The following DOCK9 variants were observed in gnomAD, a reference collection of about 807,000 sequenced individuals.
The protein encoded by DOCK9 is dedicator of cytokinesis protein 9.
DOCK9 carries 89 observed loss-of-function variants against 263.3 expected under a neutral mutation model. The ratio of observed to expected loss-of-function variants is 0.34; its 90% CI spans 0.28 to 0.40. DOCK9 has a LOEUF of 0.40. Among genes scored for constraint, DOCK9 ranks in the 10% least tolerant of loss-of-function variants. DOCK9 has a pLI of 1.00. For synonymous variants in DOCK9, 976 were observed against 973.1 expected (o/e 1.00, Z -0.06); for missense variants, 2,140 against 2,603.4 (o/e 0.82, Z 3.87).
chr13:99,058,155 G>A (rs2041014181), intron 1 of DOCK9, among the ~76,000 whole-genome samples: 1 of 150,780 alleles, frequency 6.6e-6, no homozygotes, highest in Admixed American at 6.6e-5. Flanking sequence ...TGTACTAACA[G>A]TACTTGATAT....
At chr13:98,823,748 A>T (rs1361502203) in intron 45 of DOCK9, among the ~76,000 whole-genome samples, 2 of 152,246 alleles carry the variant, frequency 1.3e-5, no homozygotes, top group Non-Finnish European at 2.9e-5. Context: ...TTTTATGTCA[A>T]AACTCGCCAG....
chr13:99,017,542 G>A (rs561165052), intron 1 of DOCK9, among the ~76,000 whole-genome samples: 3 of 152,204 alleles, frequency 2.0e-5, no homozygotes, highest in Admixed American at 6.5e-5. Flanking sequence ...GAACTTTACC[G>A]AGAATTAGAA....
At position 98,868,371 on chromosome 13, in the gene DOCK9, G is replaced by A. The variant is rs1039943471; in HGVS notation, c.2950C>T (p.Arg984Ter). ...TAGGATGCAGGAAATCTCTGGTTTC[G>A]CAGCAACTAAAAAGAATTCAGAGCA... ...LIENSKVKLL[R>*]NQRFPASYHH... The change falls in exon 28 of 53, where the codon CGA becomes TGA. Residue 984 changes from arginine to a stop codon, truncating the protein, a stop_gained. Transcript: ENST00000682017. LOFTEE classifies it high-confidence loss of function. The A allele has an allele frequency of 2.5e-6, 4 of 1,609,258 alleles. No individual in the cohort carries two copies. Among genetic ancestry groups the A allele is most frequent in the Admixed American group, 1.7e-5 (1 of 59,042 alleles).
At chr13:98,979,229 T>TAGC (rs1332460705), upstream of DOCK9, among the ~76,000 whole-genome samples, 297 of 125,046 alleles carry the variant, frequency 2.4e-3, 2 homozygotes, top group Middle Eastern at 0.017. Flanking sequence ...GTAGTAGTAG[T>TAGC]AGCAGCAGCG....
intron 1 of DOCK9, among the ~76,000 whole-genome samples, chr13:99,075,126 G>A (rs955960088): frequency 1.3e-5 from 2 of 152,048 alleles, no homozygotes; most frequent in Non-Finnish European, 2.9e-5. Context: ...ATAGATTTGT[G>A]TATCATTTAC....
intron 45 of DOCK9, among the ~76,000 whole-genome samples, chr13:98,819,798 T>C (rs2092148884): frequency 6.6e-6 from 1 of 152,242 alleles, no homozygotes; most frequent in Non-Finnish European, 1.5e-5. Context: ...AATCCCTGAA[T>C]ATGTTCTGTT....
chr13:98,899,935 A>G (rs1464034078), intron 13 of DOCK9, among the ~76,000 whole-genome samples: 1 of 152,190 alleles, frequency 6.6e-6, no homozygotes, highest in Non-Finnish European at 1.5e-5. Context: ...ACTTTTCATA[A>G]AAATTTCCTC....
chr13:98,872,563 T>C (rs567222347), intron 27 of DOCK9, among the ~76,000 whole-genome samples: 12 of 152,270 alleles, frequency 7.9e-5, no homozygotes, highest in South Asian at 4.1e-4. Flanking sequence ...TGTGTCACCA[T>C]GCCCAGCTAA....
At chr13:98,987,797 G>T (rs564078545) in intron 1 of DOCK9, among the ~76,000 whole-genome samples, 2 of 152,126 alleles carry the variant, frequency 1.3e-5, no homozygotes, top group Non-Finnish European at 2.9e-5. Context: ...TAACATAACT[G>T]GTAAATAATA....
In DOCK9 at chr13:98,855,882, G is replaced by A; in HGVS notation, c.3831+16C>T. ...TTGATTATAAGAAACATTTGTGTTG[G>A]GTGAAAAGCAATTACCTTATCCAGG... On this transcript the variant is annotated intron_variant, in intron 34 of 52. Coordinates refer to ENST00000682017, the MANE Select transcript of DOCK9 (RefSeq NM_001366683.2). 1 of 1,613,254 alleles carries A rather than the reference G, an allele frequency of 6.2e-7. No individual in the cohort carries two copies. The highest frequency in any genetic ancestry group is 8.5e-7 in the Non-Finnish European group (1 of 1,179,368).
chr13:98,866,227 G>A (rs538467788), intron 30 of DOCK9, among the ~76,000 whole-genome samples: 9 of 152,162 alleles, frequency 5.9e-5, no homozygotes, highest in Admixed American at 2.0e-4. Context: ...TAGAATAGCC[G>A]GGGATTGTCA....
chr13:98,823,754 G>A (rs1374188125), intron 45 of DOCK9, among the ~76,000 whole-genome samples: 6 of 152,158 alleles, frequency 3.9e-5, no homozygotes, highest in South Asian at 2.1e-4. Context: ...GTCAAAACTC[G>A]CCAGTTACAG....
intron 1 of DOCK9, among the ~76,000 whole-genome samples, chr13:98,985,184 A>G (rs1878166159): frequency 6.6e-6 from 1 of 152,068 alleles, no homozygotes; most frequent in Non-Finnish European, 1.5e-5. Flanking sequence ...CAGATGAGGA[A>G]GCTAAGATGG....
rs2093520191 is a variant in DOCK9, at chr13:98,850,156, T to C, written c.3947-43A>G. The C allele has an allele frequency of 5.4e-6, 7 of 1,298,082 alleles. No homozygotes were observed. In the East Asian group the frequency reaches 7.8e-5, roughly 14 times the overall value. 80.4% of individuals were successfully genotyped at this position (1,298,082 alleles called of 1,614,324 possible). A position where few individuals can be genotyped will look rare whatever the true frequency, so the allele number is the denominator to read the frequency against. On this transcript the variant is annotated intron_variant, in intron 35 of 52. Coordinates refer to ENST00000682017, the MANE Select transcript of DOCK9 (RefSeq NM_001366683.2). Reference sequence around the variant, plus strand: ...ACTTAGAATCACAATACATATGATATACATTATGGAGAATCACCTGTTGTG... The same window carrying C: ...ACTTAGAATCACAATACATATGATACACATTATGGAGAATCACCTGTTGTG...
At chr13:98,960,841 T>C (rs994353940) in intron 1 of DOCK9, among the ~76,000 whole-genome samples, 1 of 152,204 alleles carries the variant, frequency 6.6e-6, no homozygotes, top group Non-Finnish European at 1.5e-5. Context: ...AGGAACTACA[T>C]TAGAATTTTC....
At chr13:98,934,546 A>C (rs1287945119) in intron 2 of DOCK9, among the ~76,000 whole-genome samples, 1 of 152,236 alleles carries the variant, frequency 6.6e-6, no homozygotes, top group Non-Finnish European at 1.5e-5. Flanking sequence ...TTACTCAAAA[A>C]CAGAAAACCA....
chr13:98,980,731 G>A (rs887091476), upstream of DOCK9, among the ~76,000 whole-genome samples: 4 of 152,000 alleles, frequency 2.6e-5, no homozygotes, highest in Non-Finnish European at 5.9e-5. Context: ...TCCACCAACC[G>A]TGTTGCTATC....
At position 98,996,522 on chromosome 13, in the gene DOCK9, A is replaced by C. The variant is rs190343832; in HGVS notation, c.130-40971T>G. 3.5e-3 allele frequency among the ~76,000 whole-genome samples: 539 copies of C among 152,336 alleles called. 4 individuals carry two copies. The highest frequency in any genetic ancestry group is 5.7e-3 in the Non-Finnish European group (386 of 68,024). On this transcript the variant is annotated intron_variant, in intron 1 of 32. Transcript: ENST00000427887. ...CCTTACATTACCCATATATTCCAAT[A>C]ATCTATTTCAAAATCAAAGAATTTC...
At chr13:98,830,622 C>A (rs1430743561) in intron 41 of DOCK9, among the ~76,000 whole-genome samples, 2 of 152,212 alleles carry the variant, frequency 1.3e-5, no homozygotes, top group Non-Finnish European at 2.9e-5. Flanking sequence ...TGATCTTCAA[C>A]CATGAGCCCC....
Sources: gnomAD v4.1 joint callset for allele counts (sites outside exome capture counted in the v4.1 genomes callset) on GRCh38, gnomAD v4.1.1 for gene constraint, MANE v1.5 for transcripts, NCBI Gene and HGNC (gene_info 2026-07-23, HGNC 2026-07-21) for gene names.